Variants in CSMD1 observed in about 807,000 individuals in gnomAD.
CSMD1 encodes the protein CUB and sushi domain-containing protein 1.
CSMD1 carries 213 observed loss-of-function variants against 417.5 expected under a neutral mutation model. That is an observed-to-expected ratio of 0.51 (90% confidence interval 0.46 to 0.57). The LOEUF (loss-of-function observed/expected upper bound fraction) is 0.57, where lower values mean the gene tolerates loss of function less well. Among genes scored for constraint, CSMD1 ranks in the 20% least tolerant of loss-of-function variants. CSMD1 has a pLI of 0.00. For synonymous variants in CSMD1, 2,862 were observed against 1,736.8 expected (o/e 1.65, Z -16.11); for missense variants, 6,923 against 4,529.7 (o/e 1.53, Z -15.17).
chr8:3,708,868 T>A (rs912050327), intron 6 of CSMD1, among the ~76,000 whole-genome samples: 6 of 152,200 alleles, frequency 3.9e-5, no homozygotes, highest in Non-Finnish European at 5.9e-5. Context: ...TTGTCTAAGT[T>A]TGCTATAATC....
At chr8:3,980,569 G>C (rs1009421231) in intron 5 of CSMD1, among the ~76,000 whole-genome samples, 16 of 152,128 alleles carry the variant, frequency 1.1e-4, no homozygotes, top group African/African-American at 3.1e-4. Context: ...CAAATTCGTA[G>C]TGAAAATAGT....
At chr8:3,037,067 T>C (rs919207936) in intron 50 of CSMD1, among the ~76,000 whole-genome samples, 15 of 152,208 alleles carry the variant, frequency 9.9e-5, no homozygotes, top group Non-Finnish European at 2.2e-4. Context: ...AGTGAGAACA[T>C]AACGATATTT....
intron 1 of CSMD1, among the ~76,000 whole-genome samples, chr8:4,985,203 C>T (rs1487439277): frequency 1.3e-5 from 2 of 151,912 alleles, no homozygotes; most frequent in African/African-American, 4.8e-5. Context: ...CACACCGGGG[C>T]CTGTCAGAGG....
intron 10 of CSMD1, among the ~76,000 whole-genome samples, chr8:3,527,055 G>A (rs1378620271): frequency 7.9e-5 from 12 of 152,082 alleles, no homozygotes; most frequent in African/African-American, 2.4e-4. Context: ...TATGCATGCC[G>A]GGTCAGTGCC....
At chr8:4,745,745 C>T (rs970089083) in intron 1 of CSMD1, among the ~76,000 whole-genome samples, 2 of 152,162 alleles carry the variant, frequency 1.3e-5, no homozygotes, top group African/African-American at 4.8e-5. Flanking sequence ...TAACACTCTC[C>T]AACATATTTA....
chr8:4,467,227 C>T (rs1421392193), intron 2 of CSMD1, among the ~76,000 whole-genome samples: 3 of 151,934 alleles, frequency 2.0e-5, no homozygotes, highest in African/African-American at 4.8e-5. Context: ...CTGCACAAAG[C>T]TCCCAGGGAC....
At chr8:3,998,330 C>A (rs535542585) in intron 4 of CSMD1, among the ~76,000 whole-genome samples, 7 of 152,144 alleles carry the variant, frequency 4.6e-5, no homozygotes, top group African/African-American at 1.7e-4. Flanking sequence ...ATGGCCATTG[C>A]GGGAAAGATG....
At chr8:3,968,759 T>C (rs547817665) in intron 5 of CSMD1, among the ~76,000 whole-genome samples, 1 of 152,222 alleles carries the variant, frequency 6.6e-6, no homozygotes, top group African/African-American at 2.4e-5. Flanking sequence ...ACAACCAAAA[T>C]GCTGAAGATG....
intron 1 of CSMD1, among the ~76,000 whole-genome samples, chr8:4,877,145 T>C (rs1192273711): frequency 6.6e-6 from 1 of 152,062 alleles, no homozygotes; most frequent in African/African-American, 2.4e-5. Flanking sequence ...CTCTTTTTCA[T>C]GACACATTTT....
chr8:3,274,093 C>A (rs1802082240), intron 26 of CSMD1, among the ~76,000 whole-genome samples: 1 of 151,588 alleles, frequency 6.6e-6, no homozygotes, highest in Admixed American at 6.6e-5. Context: ...CTACACACTG[C>A]TTTGAATGTG....
rs2261759 is a variant in CSMD1, at chr8:4,003,594, C to G, written c.611-5484G>C. ...ATTATGATAGGCATTCAAATTAAAA[C>G]AACACTGAAATGCCTTCTAATATAC... On this transcript the variant is annotated intron_variant, in intron 4 of 69. Transcript: ENST00000635120. Among the ~76,000 whole-genome samples the G allele has an allele frequency of 3.8e-3, 580 of 151,992 alleles. 4 individuals carry two copies. The highest frequency in any genetic ancestry group is 0.013 in the African/African-American group (547 of 41,446).
At chr8:4,118,048 A>T (rs1353364161) in intron 3 of CSMD1, among the ~76,000 whole-genome samples, 1 of 151,968 alleles carries the variant, frequency 6.6e-6, no homozygotes, top group Non-Finnish European at 1.5e-5. Flanking sequence ...GTCATCAGGG[A>T]ACAATGAAGG....
At chr8:4,981,437 G>C (rs1213890142) in intron 1 of CSMD1, among the ~76,000 whole-genome samples, 1 of 152,210 alleles carries the variant, frequency 6.6e-6, no homozygotes, top group African/African-American at 2.4e-5. Context: ...GTATAAGGGA[G>C]TGTCCTCTCT....
intron 3 of CSMD1, among the ~76,000 whole-genome samples, chr8:4,069,584 T>A (rs1156502429): frequency 6.6e-6 from 1 of 152,234 alleles, no homozygotes; most frequent in Admixed American, 6.5e-5. Context: ...CAGATGTATC[T>A]TGGGCCAGTG....
chr8:4,088,181 T>A (rs1369422563), intron 3 of CSMD1, among the ~76,000 whole-genome samples: 1 of 152,184 alleles, frequency 6.6e-6, no homozygotes, highest in Non-Finnish European at 1.5e-5. Context: ...TCCCGTTGTT[T>A]TTAATGCCCA....
intron 5 of CSMD1, among the ~76,000 whole-genome samples, chr8:3,995,737 A>C (rs1444284977): frequency 6.6e-6 from 1 of 152,248 alleles, no homozygotes; most frequent in African/African-American, 2.4e-5. Flanking sequence ...CCAAGCAAAT[A>C]GGACAATATA....
chr8:4,870,649 G>A (rs957588277), intron 1 of CSMD1, among the ~76,000 whole-genome samples: 1 of 152,254 alleles, frequency 6.6e-6, no homozygotes, highest in African/African-American at 2.4e-5. Context: ...CCACGAGTGA[G>A]GGAATGGAGA....
chr8:3,335,853 C>T (rs188604011), intron 23 of CSMD1, among the ~76,000 whole-genome samples: 2 of 152,196 alleles, frequency 1.3e-5, no homozygotes, highest in South Asian at 2.1e-4. Flanking sequence ...AGACTGGGCT[C>T]AGAGAGGTGA....
At position 2,950,352 on chromosome 8, in the gene CSMD1, A is replaced by G; in HGVS notation, c.10202-9T>C. The stretch of plus-strand genomic sequence containing the variant: ...CTCCTTCTTGTAAATGCCTGTGAAA[A>G]GATCAGCAGTTTAGGCTTACCTTGG... On this transcript the variant is annotated splice_polypyrimidine_tract_variant and intron_variant, in intron 66 of 69. Coordinates refer to ENST00000635120, the MANE Select transcript of CSMD1 (RefSeq NM_033225.6). 1 of 1,561,120 alleles carries G rather than the reference A, an allele frequency of 6.4e-7. No individual in the cohort carries two copies. The highest frequency in any genetic ancestry group is 1.1e-5 in the South Asian group (1 of 90,016).
Sources: allele counts gnomAD v4.1 joint callset (sites outside exome capture counted in the v4.1 genomes callset), GRCh38; gene constraint gnomAD v4.1.1; transcripts MANE v1.5; gene names NCBI Gene and HGNC (gene_info 2026-07-23, HGNC 2026-07-21).